Variants in CACNA2D3 observed in about 807,000 individuals in gnomAD.
The protein encoded by CACNA2D3 is voltage-dependent calcium channel subunit alpha-2/delta-3.
In CACNA2D3, 60 loss-of-function variants were observed where a neutral mutation model predicts 160.6. That is an observed-to-expected ratio of 0.37 (90% CI 0.30 to 0.46). The LOEUF is 0.46. Among genes scored for constraint, CACNA2D3 ranks in the 20% least tolerant of loss-of-function variants. The pLI, the probability that CACNA2D3 is intolerant of heterozygous loss-of-function variation, is 1.00. For missense variants in CACNA2D3, 1,205 were observed against 1,365.0 expected (o/e 0.88, Z 1.85); for synonymous variants, 558 against 492.9 (o/e 1.13, Z -1.75).
chr3:54,736,388 C>T (rs529314982), intron 11 of CACNA2D3, among the ~76,000 whole-genome samples: 1 of 151,948 alleles, frequency 6.6e-6, no homozygotes, highest in African/African-American at 2.4e-5. Context: ...TAAATTCTTT[C>T]TGCTAAATCT....
At chr3:54,846,078 C>T (rs945056150) in intron 16 of CACNA2D3, among the ~76,000 whole-genome samples, 1 of 151,922 alleles carries the variant, frequency 6.6e-6, no homozygotes, top group East Asian at 1.9e-4. Context: ...TTTACAGAAA[C>T]ATTAGCCACT....
At chr3:54,897,914 C>T (rs756889335) in intron 26 of CACNA2D3, among the ~76,000 whole-genome samples, 20 of 152,158 alleles carry the variant, frequency 1.3e-4, no homozygotes, top group Non-Finnish European at 2.4e-4. Context: ...AGATTCTTTG[C>T]TGCTTGGGAT....
intron 14 of CACNA2D3, among the ~76,000 whole-genome samples, chr3:54,831,460 T>C (rs1703876368): frequency 6.6e-6 from 1 of 152,174 alleles, no homozygotes; most frequent in Admixed American, 6.5e-5. Flanking sequence ...CCTTCAAAGG[T>C]GGAGGCTGCC....
At chr3:54,388,793 A>G (rs374143392) in intron 4 of CACNA2D3, among the ~76,000 whole-genome samples, 9 of 152,342 alleles carry the variant, frequency 5.9e-5, no homozygotes, top group African/African-American at 2.2e-4. Flanking sequence ...TGGCAGCATC[A>G]GGAAGCACTT....
At chr3:54,455,701 T>A (rs1700386326) in intron 4 of CACNA2D3, among the ~76,000 whole-genome samples, 1 of 152,206 alleles carries the variant, frequency 6.6e-6, no homozygotes, top group South Asian at 2.1e-4. Flanking sequence ...CATTTCATAA[T>A]TTCATTTTAA....
intron 11 of CACNA2D3, among the ~76,000 whole-genome samples, chr3:54,736,103 ATATATG>A (rs1400491834): frequency 7.4e-4 from 15 of 20,264 alleles, no homozygotes; most frequent in African/African-American, 2.1e-3. Context: ...ATATATACAT[ATATATG>A]TATATATATA....
chr3:54,527,175 A>G (rs1198129061), intron 5 of CACNA2D3, among the ~76,000 whole-genome samples: 3 of 152,196 alleles, frequency 2.0e-5, no homozygotes, highest in Non-Finnish European at 4.4e-5. Context: ...CAGCAAACTT[A>G]CCAGCCTACA....
intron 2 of CACNA2D3, among the ~76,000 whole-genome samples, chr3:54,215,324 C>CTCATT (rs763861987): frequency 2.6e-5 from 4 of 152,176 alleles, no homozygotes; most frequent in African/African-American, 4.8e-5. Flanking sequence ...TCACATACTT[C>CTCATT]TCATTTTTTT....
intron 4 of CACNA2D3, among the ~76,000 whole-genome samples, chr3:54,474,984 T>C (rs1475823754): frequency 6.6e-6 from 1 of 152,204 alleles, no homozygotes; most frequent in Non-Finnish European, 1.5e-5. Flanking sequence ...TTTTTATTTG[T>C]AAATTTATTC....
At chr3:54,308,491 G>C (rs1349571446) in intron 2 of CACNA2D3, among the ~76,000 whole-genome samples, 4 of 152,160 alleles carry the variant, frequency 2.6e-5, no homozygotes, top group Admixed American at 2.6e-4. Context: ...CAGAGCTGTT[G>C]GATTGGGAGG....
intron 2 of CACNA2D3, among the ~76,000 whole-genome samples, chr3:54,295,633 A>T (rs1039938111): frequency 4.6e-5 from 7 of 152,206 alleles, no homozygotes; most frequent in Non-Finnish European, 1.0e-4. Flanking sequence ...CTGAATGCAC[A>T]ATTTACAGGA....
At chr3:54,173,068 C>T (rs2107313671) in intron 2 of CACNA2D3, among the ~76,000 whole-genome samples, 1 of 152,292 alleles carries the variant, frequency 6.6e-6, no homozygotes, top group East Asian at 1.9e-4. Context: ...ATTTATGGCT[C>T]TTTGCAAAAA....
chr3:54,436,168 T>C (rs1177426492), intron 4 of CACNA2D3, among the ~76,000 whole-genome samples: 2 of 151,810 alleles, frequency 1.3e-5, no homozygotes, highest in East Asian at 1.9e-4. Flanking sequence ...TAAACAAACA[T>C]ATTAAAAAAA....
chr3:54,215,468 A>G (rs1701443726), intron 2 of CACNA2D3, among the ~76,000 whole-genome samples: 1 of 152,182 alleles, frequency 6.6e-6, no homozygotes, highest in South Asian at 2.1e-4. Context: ...GTATCTTTTG[A>G]CTGCGTATCA....
intron 35 of CACNA2D3, among the ~76,000 whole-genome samples, chr3:55,023,349 T>G (rs1420906469): frequency 6.6e-6 from 1 of 152,186 alleles, no homozygotes. Context: ...CATATTCCAG[T>G]TCACTAATTT....
At chr3:54,892,581 C>T (rs1322704171) in intron 25 of CACNA2D3, among the ~76,000 whole-genome samples, 2 of 152,116 alleles carry the variant, frequency 1.3e-5, no homozygotes, top group African/African-American at 4.8e-5. Flanking sequence ...ATTATAGTTG[C>T]AACTTGATTT....
intron 11 of CACNA2D3, among the ~76,000 whole-genome samples, chr3:54,751,120 A>AAAAAC (rs909414395): frequency 1.3e-5 from 2 of 152,044 alleles, no homozygotes; most frequent in African/African-American, 4.8e-5. Flanking sequence ...TCCCAATTTA[A>AAAAAC]AAAACAAAAC....
chr3:54,230,168 A>C (rs1218078863), intron 2 of CACNA2D3, among the ~76,000 whole-genome samples: 1 of 151,692 alleles, frequency 6.6e-6, no homozygotes, highest in Non-Finnish European at 1.5e-5. Flanking sequence ...AGTATTTTAA[A>C]GTCATTAGTG....
At chr3:54,260,642 A>G (rs1702385906) in intron 2 of CACNA2D3, among the ~76,000 whole-genome samples, 2 of 152,216 alleles carry the variant, frequency 1.3e-5, no homozygotes, top group Non-Finnish European at 2.9e-5. Flanking sequence ...CATTTAAATC[A>G]TAACAGTCTC....
Sources: allele counts gnomAD v4.1 joint callset (sites outside exome capture counted in the v4.1 genomes callset), GRCh38; gene constraint gnomAD v4.1.1; transcripts MANE v1.5; gene names NCBI Gene and HGNC (gene_info 2026-07-23, HGNC 2026-07-21).